The following CHN2 variants were observed in gnomAD, a reference collection of about 807,000 sequenced individuals.
CHN2 encodes the protein beta-chimaerin.
Under a neutral mutation model 56.3 loss-of-function variants are expected in CHN2, and 35 were observed. The ratio of observed to expected loss-of-function variants is 0.62; its 90% CI spans 0.47 to 0.82. CHN2 has a LOEUF of 0.82. CHN2 is among the 40% of genes least tolerant of loss of function. The probability of loss-of-function intolerance (pLI) is 0.00; values close to 1 mark genes in which losing one functional copy is unlikely to be tolerated. For synonymous variants in CHN2, 210 were observed against 212.8 expected, an observed-to-expected ratio of 0.99 and a Z score of 0.12; for missense variants, 491 against 580.5, an observed-to-expected ratio of 0.85 and a Z score of 1.58.
chr7:29,149,901 A>C (rs1793354833), intron 2 of CHN2, among the ~76,000 whole-genome samples: 1 of 151,928 alleles, frequency 6.6e-6, no homozygotes, highest in Non-Finnish European at 1.5e-5. Flanking sequence ...ATTAGGGTCC[A>C]CTCTAATGAC....
intron 1 of CHN2, among the ~76,000 whole-genome samples, chr7:29,291,310 A>C (rs908654642): frequency 2.6e-5 from 4 of 152,120 alleles, no homozygotes; most frequent in African/African-American, 9.7e-5. Context: ...ACCAGCTGCA[A>C]CCAATTATTA....
rs534577743 is a variant in CHN2, at chr7:29,400,425, T to G, written c.291-118T>G. Reference sequence around the variant, plus strand: ...TTAGGGGAAAAAAAATCACATCAAGTGCTTAGCCCTGTGCCTGGGATACAC... The same window carrying G: ...TTAGGGGAAAAAAAATCACATCAAGGGCTTAGCCCTGTGCCTGGGATACAC... On this transcript the variant is annotated intron_variant, in intron 5 of 12. Coordinates refer to ENST00000222792, the MANE Select transcript of CHN2 (RefSeq NM_004067.4). 168 of 973,658 alleles carry G rather than the reference T, an allele frequency of 1.7e-4. 1 individual carries two copies. The African/African-American group carries it at 2.5e-3, about 15-fold the overall frequency. 60.3% of individuals were successfully genotyped at this position (973,658 alleles called of 1,614,324 possible).
chr7:29,448,928 T>C (rs1050771542), intron 6 of CHN2, among the ~76,000 whole-genome samples: 11 of 152,236 alleles, frequency 7.2e-5, no homozygotes, highest in Admixed American at 5.2e-4. Context: ...GTACAGGGCA[T>C]GGTCCATACT....
At chr7:29,200,760 G>GCAGA (rs2067161) in intron 1 of CHN2, 19,969 of 151,954 alleles carry the variant, frequency 0.13, 1,382 homozygotes, top group African/African-American at 0.17. Context: ...ACAAACAAAT[G>GCAGA]CAGAGGTTCA....
intron 2 of CHN2, among the ~76,000 whole-genome samples, chr7:29,359,575 C>A (rs766211081): frequency 6.6e-6 from 1 of 152,118 alleles, no homozygotes; most frequent in Admixed American, 6.5e-5. Context: ...AAGGAAAAAG[C>A]TTCATGGCTT....
chr7:29,276,112 G>C (rs1791190312), intron 1 of CHN2, among the ~76,000 whole-genome samples: 1 of 152,140 alleles, frequency 6.6e-6, no homozygotes, highest in South Asian at 2.1e-4. Flanking sequence ...GGGGAAGGAA[G>C]TGGTTGTTTC....
chr7:29,193,139 T>C (rs973514871), upstream of CHN2: 10 of 152,102 alleles, frequency 6.6e-5, no homozygotes, highest in African/African-American at 1.9e-4. Flanking sequence ...AGTTGAGGGG[T>C]AGGAAGACGC....
At chr7:29,341,810 G>T (rs1797069092) in intron 1 of CHN2, among the ~76,000 whole-genome samples, 1 of 152,222 alleles carries the variant, frequency 6.6e-6, no homozygotes, top group South Asian at 2.1e-4. Context: ...CTGTACTGCT[G>T]ATTCCTCCTA....
chr7:29,365,578 C>T (rs867841686), intron 2 of CHN2, among the ~76,000 whole-genome samples: 1 of 151,998 alleles, frequency 6.6e-6, no homozygotes. Flanking sequence ...GGGCAGATAA[C>T]AAGAGGTAGA....
chr7:29,219,175 CAT>C (rs1335299174), intron 1 of CHN2, among the ~76,000 whole-genome samples: 6 of 152,146 alleles, frequency 3.9e-5, no homozygotes, highest in African/African-American at 1.2e-4. Context: ...AAATTATACT[CAT>C]GTGTAGTCAA....
intron 2 of CHN2, among the ~76,000 whole-genome samples, chr7:29,354,969 T>TTTATTTATTTATTTAC (rs1200084189): frequency 3.3e-5 from 5 of 150,596 alleles, no homozygotes; most frequent in African/African-American, 1.2e-4. Context: ...TATTTATTTA[T>TTTATTTATTTATTTAC]TTATTTTTTA....
intron 3 of CHN2, among the ~76,000 whole-genome samples, chr7:29,379,262 C>G (rs948192903): frequency 1.3e-5 from 2 of 152,178 alleles, no homozygotes; most frequent in African/African-American, 4.8e-5. Flanking sequence ...TTCTCCACTT[C>G]AAGAGATGGA....
At chr7:29,413,148 G>C (rs558867286) in intron 6 of CHN2, among the ~76,000 whole-genome samples, 2 of 152,094 alleles carry the variant, frequency 1.3e-5, no homozygotes, top group East Asian at 3.8e-4. Context: ...TGAAGTTCCC[G>C]CAAAGTTAAT....
intron 6 of CHN2, among the ~76,000 whole-genome samples, chr7:29,428,555 G>A (rs1805112450): frequency 6.6e-6 from 1 of 152,068 alleles, no homozygotes; most frequent in Non-Finnish European, 1.5e-5. Flanking sequence ...CTCTGCAAAA[G>A]CCTGGATTTT....
intron 1 of CHN2, among the ~76,000 whole-genome samples, chr7:29,240,791 C>T (rs941155474): frequency 3.6e-5 from 5 of 139,100 alleles, no homozygotes; most frequent in African/African-American, 1.3e-4. Context: ...TTTTCTTCTT[C>T]TTCTTCCTCT....
At chr7:29,206,445 C>A (rs1390247568) in intron 1 of CHN2, among the ~76,000 whole-genome samples, 1 of 152,080 alleles carries the variant, frequency 6.6e-6, no homozygotes, top group Non-Finnish European at 1.5e-5. Context: ...CCACACCCAG[C>A]TAATTTTTGT....
chr7:29,255,378 C>G (rs1788987253), intron 1 of CHN2, among the ~76,000 whole-genome samples: 1 of 152,126 alleles, frequency 6.6e-6, no homozygotes, highest in African/African-American at 2.4e-5. Flanking sequence ...CCAGCCAGTC[C>G]TAAATCTTGG....
chr7:29,408,506 G>T (rs10259809), intron 6 of CHN2, among the ~76,000 whole-genome samples: 1 of 152,052 alleles, frequency 6.6e-6, no homozygotes, highest in Admixed American at 6.5e-5. Flanking sequence ...TACACAACAC[G>T]TGAGAAGTCC....
chr7:29,507,415 T>C lies in CHN2; in HGVS notation c.1129+50T>C, dbSNP rs750518048. ...ATTTCTACCAAATTTTTAAGTACAGTGCTTTTGACCTTCAGATAATTAAAA... is the reference window on the plus strand; with the variant it reads ...ATTTCTACCAAATTTTTAAGTACAGCGCTTTTGACCTTCAGATAATTAAAA... On this transcript the variant is annotated intron_variant, in intron 11 of 12. Coordinates refer to ENST00000222792, the MANE Select transcript of CHN2 (RefSeq NM_004067.4). 2.2e-6 allele frequency: 3 copies of C among 1,385,986 alleles called. No individual in the cohort carries two copies. In the South Asian group the frequency reaches 3.8e-5, roughly 18 times the overall value. The allele number at this position is 1,385,986 out of a possible 1,614,324, so 85.9% of individuals were successfully genotyped here.
Sources: gnomAD v4.1 joint callset for allele counts (sites outside exome capture counted in the v4.1 genomes callset) on GRCh38, gnomAD v4.1.1 for gene constraint, MANE v1.5 for transcripts, NCBI Gene and HGNC (gene_info 2026-07-23, HGNC 2026-07-21) for gene names.